CDH4: variants seen among roughly 807,000 people sequenced by gnomAD.
CDH4 encodes cadherin-4.
A neutral mutation model predicts 86.0 loss-of-function variants in CDH4; 33 were observed. That is an observed-to-expected ratio of 0.38 (90% confidence interval 0.29 to 0.51). CDH4 has a LOEUF of 0.51. Ranked by LOEUF, CDH4 falls within the 20% of genes least tolerant of loss-of-function variation. The pLI is 0.86. For missense variants in CDH4, 1,114 were observed against 1,307.4 expected (o/e 0.85, Z 2.28); for synonymous variants, 555 against 549.4 (o/e 1.01, Z -0.14).
intron 2 of CDH4, among the ~76,000 whole-genome samples, chr20:61,296,276 CGTGGGTGCGTGTGTGTGT>C (rs2084353061): frequency 1.9e-5 from 1 of 53,718 alleles, no homozygotes; most frequent in African/African-American, 1.3e-4. Flanking sequence ...TGTGTGTGTG[CGTGGGTGCGTGTGTGTGT>C]GTGCGTGGGT....
chr20:61,334,132 G>A (rs1568802390), intron 2 of CDH4, among the ~76,000 whole-genome samples: 1 of 152,140 alleles, frequency 6.6e-6, no homozygotes, highest in Non-Finnish European at 1.5e-5. Context: ...AAGCCTCTGG[G>A]CCACCCCCTC....
intron 2 of CDH4, among the ~76,000 whole-genome samples, chr20:61,318,529 A>G (rs972979462): frequency 5.3e-5 from 8 of 152,162 alleles, no homozygotes; most frequent in African/African-American, 1.9e-4. Context: ...TTATTATTAG[A>G]TCATGAATCG....
Position 61,786,906 on chromosome 20 carries a change from A to G in CDH4, c.576+13724A>G, listed in dbSNP as rs1978908105. 2.6e-5 allele frequency among the ~76,000 whole-genome samples: 4 copies of G among 152,192 alleles called. No individual in the cohort carries two copies. In the South Asian group the frequency reaches 8.3e-4, roughly 31 times the overall value. ...GCGTGGGCTCCCAGGGCCACTGTAG[A>G]GTGCAGCTGTTCTGAGGACAAGTTT... On this transcript the variant is annotated intron_variant, in intron 4 of 15. Coordinates refer to ENST00000614565, the MANE Select transcript of CDH4 (RefSeq NM_001794.5).
chr20:61,463,074 C>T lies in CDH4; in HGVS notation c.169+208137C>T, dbSNP rs568736782. ...AGTGAATAAGTCTCATGAGGTCTGA[C>T]GGTTTTTTAAATGGGAGTCTCCCTG... On this transcript the variant is annotated intron_variant, in intron 2 of 15. Coordinates refer to ENST00000614565, the MANE Select transcript of CDH4 (RefSeq NM_001794.5). Among the ~76,000 whole-genome samples, 9 of 152,262 alleles carry T rather than the reference C, an allele frequency of 5.9e-5. No individual in the cohort carries two copies. In the East Asian group the frequency reaches 1.4e-3, roughly 23 times the overall value.
chr20:61,812,046 G>A (rs974929012), intron 4 of CDH4, among the ~76,000 whole-genome samples: 8 of 152,054 alleles, frequency 5.3e-5, no homozygotes, highest in South Asian at 2.1e-4. Context: ...GCCCGCCTTC[G>A]TCTTTCCTGT....
chr20:61,903,541 A>T lies in CDH4; in HGVS notation c.1189-6881A>T, dbSNP rs79454197. 8.7e-3 allele frequency among the ~76,000 whole-genome samples: 70 copies of T among 8,058 alleles called. 1 individual carries two copies. In the East Asian group the frequency reaches 0.13, roughly 15 times the overall value. 5.3% of individuals were successfully genotyped at this position (8,058 alleles called of 152,430 possible). A position where few individuals can be genotyped will look rare whatever the true frequency, so the allele number is the denominator to read the frequency against. On this transcript the variant is annotated intron_variant, in intron 8 of 15. Coordinates refer to ENST00000614565, the MANE Select transcript of CDH4 (RefSeq NM_001794.5). The stretch of plus-strand genomic sequence containing the variant: ...GCGTGGGCAGCAGAAGAGACTCCAT[A>T]AAAAAAAAAAAAAAAAAAGTGTAAA...
Position 61,894,331 on chromosome 20 carries a change from A to C in CDH4, c.1051-579A>C, listed in dbSNP as rs537929093. 3.3e-4 allele frequency among the ~76,000 whole-genome samples: 51 copies of C among 152,360 alleles called. No homozygotes were observed. In the South Asian group the frequency reaches 5.2e-3, roughly 15 times the overall value. On this transcript the variant is annotated intron_variant, in intron 7 of 15. Coordinates refer to ENST00000614565, the MANE Select transcript of CDH4 (RefSeq NM_001794.5). ...CCTGCCAAGACTTATTTGCCATTTA[A>C]AGCTCACACCTGCGCCTGCACGGTA...
chr20:61,304,760 G>A (rs1227729735), intron 2 of CDH4, among the ~76,000 whole-genome samples: 2 of 146,726 alleles, frequency 1.4e-5, no homozygotes, highest in East Asian at 3.9e-4. Context: ...CAGTGTGCAT[G>A]TTGTGTGTGT....
At chr20:61,615,239 A>G (rs1235977219) in intron 2 of CDH4, among the ~76,000 whole-genome samples, 1 of 151,878 alleles carries the variant, frequency 6.6e-6, no homozygotes, top group South Asian at 2.1e-4. Context: ...CTCCTGTCTC[A>G]GCCTCCCGAG....
intron 2 of CDH4, among the ~76,000 whole-genome samples, chr20:61,345,479 A>T (rs2084673495): frequency 6.6e-6 from 1 of 152,248 alleles, no homozygotes; most frequent in Admixed American, 6.5e-5. Context: ...TTAATGTAGT[A>T]TGGGGTAAAA....
chr20:61,545,948 T>C (rs2086077517), intron 2 of CDH4, among the ~76,000 whole-genome samples: 8 of 107,808 alleles, frequency 7.4e-5, no homozygotes, highest in East Asian at 6.2e-4. Context: ...GTATGTGGGA[T>C]ACGGTGTGTG....
At chr20:61,276,796 T>G (rs1398148275) in intron 2 of CDH4, among the ~76,000 whole-genome samples, 1 of 152,222 alleles carries the variant, frequency 6.6e-6, no homozygotes, top group Non-Finnish European at 1.5e-5. Context: ...AGCAAGATGC[T>G]GCACTTTTCA....
chr20:61,365,501 C>T (rs1273033116), intron 2 of CDH4, among the ~76,000 whole-genome samples: 1 of 152,032 alleles, frequency 6.6e-6, no homozygotes, highest in Non-Finnish European at 1.5e-5. Context: ...CTCACTATCT[C>T]CAGAGGACCC....
intron 2 of CDH4, among the ~76,000 whole-genome samples, chr20:61,642,383 AC>A (rs1405137490): frequency 5.9e-5 from 9 of 152,144 alleles, no homozygotes; most frequent in African/African-American, 1.9e-4. Flanking sequence ...GGTCTACACT[AC>A]AGAAGGAAGT....
At chr20:61,277,115 A>T (rs994553409) in intron 2 of CDH4, among the ~76,000 whole-genome samples, 1 of 151,834 alleles carries the variant, frequency 6.6e-6, no homozygotes, top group African/African-American at 2.4e-5. Context: ...CCCTTCCCTC[A>T]TGTGTTCCTT....
At chr20:61,498,582 C>G (rs1224097225) in intron 2 of CDH4, among the ~76,000 whole-genome samples, 1 of 152,134 alleles carries the variant, frequency 6.6e-6, no homozygotes. Context: ...TTACAATCTG[C>G]AGGTGAACCT....
chr20:61,479,724 G>A (rs1259869244), intron 2 of CDH4, among the ~76,000 whole-genome samples: 1 of 152,120 alleles, frequency 6.6e-6, no homozygotes, highest in Non-Finnish European at 1.5e-5. Flanking sequence ...TGAGCTTCTT[G>A]GATCTTTGGA....
chr20:61,926,594 C>T (rs2055047143), intron 11 of CDH4, among the ~76,000 whole-genome samples: 1 of 152,184 alleles, frequency 6.6e-6, no homozygotes, highest in Non-Finnish European at 1.5e-5. Flanking sequence ...GAGCCCGGGC[C>T]AGGCCCCGTG....
chr20:61,752,296 C>T (rs1253859545), intron 3 of CDH4, among the ~76,000 whole-genome samples: 1 of 141,852 alleles, frequency 7.0e-6, no homozygotes, highest in Non-Finnish European at 1.5e-5. Flanking sequence ...CATGCCACTG[C>T]ACTCCAGCCT....
Sources: gnomAD v4.1 joint callset for allele counts (sites outside exome capture counted in the v4.1 genomes callset) on GRCh38, gnomAD v4.1.1 for gene constraint, MANE v1.5 for transcripts, NCBI Gene and HGNC (gene_info 2026-07-23, HGNC 2026-07-21) for gene names.